Variants in DGKZ observed in about 807,000 individuals in gnomAD.
DGKZ encodes diacylglycerol kinase zeta, also known as DAG kinase zeta.
DGKZ carries 45 observed loss-of-function variants against 142.5 expected under a neutral mutation model. That is an observed-to-expected ratio of 0.32 (90% CI 0.25 to 0.40). The LOEUF is 0.40. Ranked by LOEUF, DGKZ falls within the 10% of genes least tolerant of loss-of-function variation. The pLI, the probability that DGKZ is intolerant of heterozygous loss-of-function variation, is 1.00. For missense variants in DGKZ, 755 were observed against 1,306.5 expected, an observed-to-expected ratio of 0.58 and a Z score of 6.51; for synonymous variants, 442 against 527.0, an observed-to-expected ratio of 0.84 and a Z score of 2.21.
chr11:46,356,410 C>T (rs1942030425), intron 1 of DGKZ, among the ~76,000 whole-genome samples: 1 of 152,192 alleles, frequency 6.6e-6, no homozygotes, highest in Admixed American at 6.5e-5. Flanking sequence ...GCTGTTCCCT[C>T]CACTCACTCT....
At chr11:46,378,353 G>A (rs916234122) in intron 26 of DGKZ, 104 bp from the exon 27 acceptor site, 16 of 1,541,316 alleles carry the variant, frequency 1.0e-5, no homozygotes, top group South Asian at 5.0e-5. Context: ...ACGCACCAAC[G>A]GAGCCCTGGG....
chr11:46,339,994 A>C (rs1235597095), intron 1 of DGKZ, among the ~76,000 whole-genome samples: 1 of 152,222 alleles, frequency 6.6e-6, no homozygotes, highest in Admixed American at 6.5e-5. Context: ...ATGCCTGGAA[A>C]AGGCTAATCA....
chr11:46,333,269 C>G, exon 1 of DGKZ: 2 of 1,250,244 alleles, frequency 1.6e-6, no homozygotes, highest in Non-Finnish European at 2.0e-6. Context: ...CGGAAGGCGG[C>G]CGCACGATGG....
Position 46,371,636 on chromosome 11 carries a change from C to T in DGKZ, c.759+33C>T, listed in dbSNP as rs183928000. 2.7e-4 allele frequency: 433 copies of T among 1,613,404 alleles called. 2 individuals are homozygous for T. In the African/African-American group the frequency reaches 4.7e-3, roughly 18 times the overall value. On this transcript the variant is annotated intron_variant, in intron 8 of 30. Transcript: ENST00000527911. ...CTGCCTGCACCCTTGATGCCCCGTA[C>T]GCACTTGGGGTCTGCCAGCTACCCC...
chr11:46,335,671 A>T (rs574286801), intron 1 of DGKZ, among the ~76,000 whole-genome samples: 2 of 152,320 alleles, frequency 1.3e-5, no homozygotes, highest in South Asian at 4.1e-4. Context: ...AGGATAGGGC[A>T]TCTCCTCACT....
chr11:46,376,441 C>T, intron 23 of DGKZ, 44 bp downstream of exon 23: 1 of 1,613,878 alleles, frequency 6.2e-7, no homozygotes, highest in Non-Finnish European at 8.5e-7. Flanking sequence ...TGTTCCCTCC[C>T]TAGGGGATCC....
intron 1 of DGKZ, among the ~76,000 whole-genome samples, chr11:46,362,782 C>T (rs1027732847): frequency 6.6e-6 from 1 of 152,222 alleles, no homozygotes; most frequent in African/African-American, 2.4e-5. Flanking sequence ...GCTGATGAAG[C>T]TCTCCGGCCT....
chr11:46,371,628 G>A, intron 8 of DGKZ, 25 bp downstream of exon 8: 1 of 1,613,442 alleles, frequency 6.2e-7, no homozygotes, highest in Non-Finnish European at 8.5e-7. Context: ...CACCCTTGAT[G>A]CCCCGTACGC....
chr11:46,372,755 G>C lies in DGKZ; in HGVS notation c.1072-16G>C. 2 of 1,608,810 alleles carry C rather than the reference G, an allele frequency of 1.2e-6. No individual in the cohort carries two copies. The highest frequency in any genetic ancestry group is 1.7e-6 in the Non-Finnish European group (2 of 1,177,666). ...GTCCCTGTGGGCCTGATTTGCCTCT[G>C]TTCTTCCTCCCCCAGGTGGGCTGGA... On this transcript the variant is annotated splice_polypyrimidine_tract_variant and intron_variant, in intron 12 of 30. Coordinates refer to ENST00000527911, the Ensembl canonical transcript of DGKZ. The surrounding 1 kb of genome is among the most constrained non-coding windows in gnomAD (Gnocchi z 5.9).
chr11:46,378,117 A>C, intron 25 of DGKZ, 81 bp from the exon 26 acceptor site: 1 of 1,527,926 alleles, frequency 6.5e-7, no homozygotes, highest in Non-Finnish European at 8.9e-7. Flanking sequence ...GAAAGGATGA[A>C]GATGCCCCCA....
intron 1 of DGKZ, among the ~76,000 whole-genome samples, chr11:46,356,217 T>C (rs1040982911): frequency 6.6e-6 from 1 of 152,034 alleles, no homozygotes. Context: ...AAGGGAGATA[T>C]ATTGGCATTC....
At chr11:46,366,337 G>T in intron 1 of DGKZ, 2 of 1,559,076 alleles carry the variant, frequency 1.3e-6, no homozygotes, top group Non-Finnish European at 1.7e-6. Context: ...GCAGCGTGGG[G>T]CTGCCCACAG....
intron 1 of DGKZ, among the ~76,000 whole-genome samples, chr11:46,363,875 A>T (rs528691189): frequency 6.6e-6 from 1 of 152,174 alleles, no homozygotes; most frequent in Non-Finnish European, 1.5e-5. Context: ...GACACAAAGC[A>T]GGCCCCAGGT....
intron 1 of DGKZ, chr11:46,364,736 CCAGCCCTT>C (rs1385606655): frequency 1.0e-6 from 1 of 985,338 alleles, no homozygotes; most frequent in Admixed American, 6.1e-5. Flanking sequence ...CCTGACTCCT[CCAGCCCTT>C]CATCTTTGCC....
At chr11:46,374,109 A>C in intron 14 of DGKZ, 48 bp from the exon 15 acceptor site, 4 of 1,598,798 alleles carry the variant, frequency 2.5e-6, no homozygotes, top group Non-Finnish European at 3.4e-6. Flanking sequence ...TGGAGCGGGG[A>C]CATTTGTGAG....
chr11:46,333,601 A>C, intron 1 of DGKZ: 1 of 980,124 alleles, frequency 1.0e-6, no homozygotes, highest in Non-Finnish European at 1.5e-6. Flanking sequence ...GGGAGTTTAG[A>C]GATGACTGCC....
At chr11:46,362,760 G>A (rs1027187077) in intron 1 of DGKZ, among the ~76,000 whole-genome samples, 6 of 152,176 alleles carry the variant, frequency 3.9e-5, no homozygotes, top group African/African-American at 7.2e-5. Context: ...TGTCCTGTCC[G>A]CTCCAGCTGT....
chr11:46,345,503 G>A (rs1267886864), upstream of DGKZ: 4 of 1,517,082 alleles, frequency 2.6e-6, no homozygotes, highest in Non-Finnish European at 3.5e-6. This position sits in a 1 kb window ranked among gnomAD's most constrained non-coding sequence, Gnocchi z 4.1. Flanking sequence ...GGAAGAAGGG[G>A]AGCGGCCGGG....
intron 25 of DGKZ, 70 bp downstream of exon 25, chr11:46,377,282 T>A (rs1450994636): frequency 6.6e-7 from 1 of 1,504,378 alleles, no homozygotes; most frequent in Non-Finnish European, 8.9e-7. Context: ...GACTTCTGAA[T>A]CCCTGCTTCT....
Sources: gnomAD v4.1 joint callset for allele counts (sites outside exome capture counted in the v4.1 genomes callset) on GRCh38, gnomAD v4.1.1 for gene constraint, Gnocchi (gnomAD v3.1) non-coding constraint, MANE v1.5 for transcripts, NCBI Gene and HGNC (gene_info 2026-07-23, HGNC 2026-07-21) for gene names.